The following ARHGAP26 variants were observed in gnomAD, a reference collection of about 807,000 sequenced individuals.
ARHGAP26 encodes Rho GTPase activating protein 26, also known as rho GTPase-activating protein 26.
Under a neutral mutation model 104.8 loss-of-function variants are expected in ARHGAP26, and 38 were observed. The ratio of observed to expected loss-of-function variants is 0.36; its 90% confidence interval spans 0.28 to 0.48. ARHGAP26 has a LOEUF of 0.48. Ranked by LOEUF, ARHGAP26 falls within the 20% of genes least tolerant of loss-of-function variation. The pLI, the probability that ARHGAP26 is intolerant of heterozygous loss-of-function variation, is 0.99. For missense variants in ARHGAP26, 704 were observed against 947.9 expected (o/e 0.74, Z 3.38); for synonymous variants, 341 against 340.0 (o/e 1.00, Z -0.03).
chr5:142,981,666 C>T (rs1773957512), intron 11 of ARHGAP26, among the ~76,000 whole-genome samples: 1 of 152,308 alleles, frequency 6.6e-6, no homozygotes, highest in South Asian at 2.1e-4. Context: ...TATCTTCAAT[C>T]AAATGACCTT....
At chr5:143,084,031 G>A (rs370256909) in intron 17 of ARHGAP26, among the ~76,000 whole-genome samples, 16 of 152,276 alleles carry the variant, frequency 1.1e-4, no homozygotes, top group African/African-American at 3.6e-4. Flanking sequence ...GGCTCTCGCC[G>A]TCCACGTCAT....
At chr5:142,994,239 C>T (rs17099779) in intron 11 of ARHGAP26, among the ~76,000 whole-genome samples, 1,984 of 152,224 alleles carry the variant, frequency 0.013, 28 homozygotes, top group African/African-American at 0.034. Context: ...AGGATGTTCA[C>T]GGGCAGAGAT....
chr5:142,954,690 A>G (rs1768931907), intron 11 of ARHGAP26, among the ~76,000 whole-genome samples: 1 of 152,236 alleles, frequency 6.6e-6, no homozygotes, highest in Admixed American at 6.5e-5. Flanking sequence ...TTGTATAAGC[A>G]TATGAAACTT....
intron 20 of ARHGAP26, chr5:143,202,437 C>T (rs780731159): frequency 6.6e-6 from 1 of 152,166 alleles, no homozygotes; most frequent in African/African-American, 2.4e-5. Flanking sequence ...AATGGAAAAA[C>T]ATTCCATGTT....
At chr5:143,079,714 C>G (rs527939275) in intron 17 of ARHGAP26, among the ~76,000 whole-genome samples, 4 of 152,276 alleles carry the variant, frequency 2.6e-5, no homozygotes, top group African/African-American at 9.6e-5. Flanking sequence ...TACATTGGAC[C>G]TATTTTACCT....
Position 142,945,351 on chromosome 5 carries a change from A to C in ARHGAP26, c.1107+13226A>C, listed in dbSNP as rs983984766. On this transcript the variant is annotated intron_variant, in intron 11 of 22. Coordinates refer to ENST00000645722, the MANE Select transcript of ARHGAP26 (RefSeq NM_001135608.3). ...CTATACCTATTCTATTCTAAAGGGC[A>C]GTCTCTGTTCTGCCTGCTCTCTTTT... 2.6e-5 allele frequency among the ~76,000 whole-genome samples: 4 copies of C among 152,342 alleles called. No individual in the cohort carries two copies. In the South Asian group the frequency reaches 8.3e-4, roughly 32 times the overall value.
intron 1 of ARHGAP26, among the ~76,000 whole-genome samples, chr5:142,849,506 A>G (rs775669305): frequency 6.6e-6 from 1 of 152,144 alleles, no homozygotes; most frequent in African/African-American, 2.4e-5. Context: ...TGTGCTCTCC[A>G]TGCTTCATTC....
intron 18 of ARHGAP26, among the ~76,000 whole-genome samples, chr5:143,132,582 T>C (rs755703252): frequency 1.3e-5 from 2 of 152,134 alleles, no homozygotes; most frequent in Non-Finnish European, 2.9e-5. Flanking sequence ...GATGAAATTA[T>C]ATGATACAAA....
intron 10 of ARHGAP26, among the ~76,000 whole-genome samples, chr5:142,915,298 C>T (rs942417184): frequency 2.6e-5 from 4 of 151,818 alleles, no homozygotes; most frequent in Admixed American, 2.6e-4. Context: ...CTGGTTCCCT[C>T]TGCATGGCGT....
intron 1 of ARHGAP26, among the ~76,000 whole-genome samples, chr5:142,861,349 C>G (rs893520647): frequency 6.7e-6 from 1 of 149,080 alleles, no homozygotes; most frequent in African/African-American, 2.5e-5. Flanking sequence ...TGGCTAGGTC[C>G]GTTTTTTTTT....
intron 20 of ARHGAP26, among the ~76,000 whole-genome samples, chr5:143,167,077 CA>C (rs1398084821): frequency 6.6e-6 from 1 of 152,128 alleles, no homozygotes; most frequent in African/African-American, 2.4e-5. Context: ...CAGCACAAGA[CA>C]GTATTGATTT....
chr5:142,822,542 T>C (rs381489), intron 1 of ARHGAP26, among the ~76,000 whole-genome samples: 29,361 of 151,978 alleles, frequency 0.19, 3,481 homozygotes, highest in East Asian at 0.38. Flanking sequence ...CATACACAAA[T>C]ACACACACAT....
At chr5:142,987,538 TA>T (rs199725847) in intron 11 of ARHGAP26, among the ~76,000 whole-genome samples, 33,596 of 151,950 alleles carry the variant, frequency 0.22, 4,027 homozygotes, top group East Asian at 0.46. Context: ...CTATGTTGAA[TA>T]GGAGTGGTGA....
intron 11 of ARHGAP26, among the ~76,000 whole-genome samples, chr5:142,933,650 G>T (rs1012239251): frequency 1.3e-5 from 2 of 152,128 alleles, no homozygotes; most frequent in African/African-American, 4.8e-5. Flanking sequence ...GCATTTCGAA[G>T]GACCCAGAAG....
At chr5:143,195,696 T>C (rs1278736225) in intron 20 of ARHGAP26, among the ~76,000 whole-genome samples, 2 of 152,216 alleles carry the variant, frequency 1.3e-5, no homozygotes, top group East Asian at 3.8e-4. Flanking sequence ...AGCTGCCAAC[T>C]GTATTATGCA....
chr5:143,156,255 A>G (rs1173480089), intron 20 of ARHGAP26, among the ~76,000 whole-genome samples: 1 of 152,246 alleles, frequency 6.6e-6, no homozygotes, highest in African/African-American at 2.4e-5. Context: ...CAATCTGGAA[A>G]GCAGATGCTT....
chr5:142,985,568 C>T (rs1328795765), intron 11 of ARHGAP26, among the ~76,000 whole-genome samples: 1 of 151,678 alleles, frequency 6.6e-6, no homozygotes, highest in Non-Finnish European at 1.5e-5. Flanking sequence ...AGGTTTGTTA[C>T]ATATGTATAC....
At chr5:143,030,514 G>C (rs962092344) in intron 12 of ARHGAP26, among the ~76,000 whole-genome samples, 1 of 152,206 alleles carries the variant, frequency 6.6e-6, no homozygotes, top group African/African-American at 2.4e-5. Context: ...GGGCTTCGCT[G>C]CTAGGTGGCA....
chr5:143,056,840 A>G (rs1041347068), intron 16 of ARHGAP26, among the ~76,000 whole-genome samples: 1 of 152,214 alleles, frequency 6.6e-6, no homozygotes, highest in East Asian at 1.9e-4. Flanking sequence ...CTAATTTAGT[A>G]GTACCTAATG....
Sources: gnomAD v4.1 joint callset for allele counts (sites outside exome capture counted in the v4.1 genomes callset) on GRCh38, gnomAD v4.1.1 for gene constraint, MANE v1.5 for transcripts, NCBI Gene and HGNC (gene_info 2026-07-23, HGNC 2026-07-21) for gene names.